IL4I1: variants seen among roughly 807,000 people sequenced by gnomAD.
The protein encoded by IL4I1 is interleukin 4 induced 1, also known as L-amino-acid oxidase.
IL4I1 carries 24 observed loss-of-function variants against 29.7 expected under a neutral mutation model. The ratio of observed to expected loss-of-function variants is 0.81; its 90% CI spans 0.59 to 1.14. The LOEUF (loss-of-function observed/expected upper bound fraction) is 1.14. IL4I1 is among the 50% of genes most tolerant of loss of function. IL4I1 has a pLI of 0.00. For synonymous variants in IL4I1, 371 were observed against 352.5 expected (o/e 1.05, Z -0.59); for missense variants, 686 against 785.6 (o/e 0.87, Z 1.52).
chr19:49,896,646 C>A (rs1161015510), intron 1 of IL4I1, among the ~76,000 whole-genome samples, 189 bp downstream of exon 1: 1 of 152,088 alleles, frequency 6.6e-6, no homozygotes. Context: ...GTTGGCCAGG[C>A]TGGTCTCGAA....
At chr19:49,918,218 G>A (rs1288986885) in intron 2 of IL4I1, among the ~76,000 whole-genome samples, 2 of 151,954 alleles carry the variant, frequency 1.3e-5, no homozygotes, top group African/African-American at 2.4e-5. Context: ...GGCATACGCC[G>A]CCATGCCCAG....
intron 2 of IL4I1, among the ~76,000 whole-genome samples, chr19:49,913,697 A>G (rs2075543187): frequency 6.6e-6 from 1 of 152,288 alleles, no homozygotes; most frequent in South Asian, 2.1e-4. Context: ...TCATTTCTCC[A>G]TAATAAACCG....
chr19:49,894,205 C>A, intron 5 of IL4I1, 63 bp downstream of exon 5: 1 of 1,507,326 alleles, frequency 6.6e-7, no homozygotes, highest in East Asian at 2.4e-5. Context: ...AAAGCCGGGC[C>A]GGGGCGAGCT....
exon 2 of IL4I1, chr19:49,927,742 C>T (rs1340834408): frequency 6.6e-6 from 1 of 152,322 alleles, no homozygotes; most frequent in East Asian, 1.9e-4. Context: ...GATTCAGTCT[C>T]CTAACTGCCA....
chr19:49,912,725 C>T (rs1471013857), intron 2 of IL4I1, among the ~76,000 whole-genome samples: 1 of 151,914 alleles, frequency 6.6e-6, no homozygotes, highest in Non-Finnish European at 1.5e-5. Context: ...AATGAGTTGG[C>T]CGTGGTGGCA....
Position 49,889,899 on chromosome 19 carries a change from G to A in IL4I1, c.1475C>T (p.Thr492Met), listed in dbSNP as rs1452795602. ...GGCGCGCAGCGCCGACTTGACCGCC[G>A]TCTCCACCCAGCCGTGCGGGTAGGC... ...HTAYPHGWVE[T>M]AVKSALRAAI... The change falls in exon 8 of 8, where the codon ACG (threonine) becomes ATG (methionine). Residue 492 changes from threonine to methionine, a missense_variant. Coordinates refer to ENST00000391826, the MANE Select transcript of IL4I1 (RefSeq NM_152899.2). The A allele has an allele frequency of 1.9e-6, 3 of 1,608,230 alleles. No homozygotes were observed. The highest frequency in any genetic ancestry group is 1.7e-6 in the Non-Finnish European group (2 of 1,177,150).
intron 2 of IL4I1, among the ~76,000 whole-genome samples, chr19:49,905,989 TGA>T (rs1232895762): frequency 6.6e-6 from 1 of 152,064 alleles, no homozygotes; most frequent in African/African-American, 2.4e-5. Flanking sequence ...GCCCACAGAC[TGA>T]GATGGAACAG....
At chr19:49,907,618 C>T (rs2075353536) in intron 2 of IL4I1, 1 of 397,888 alleles carries the variant, frequency 2.5e-6, no homozygotes, top group Non-Finnish European at 4.8e-6. Context: ...TTCACTGCAA[C>T]ACCTCCTGGG....
intron 4 of IL4I1, 100 bp downstream of exon 4, chr19:49,894,968 T>G (rs1600471405): frequency 1.2e-6 from 1 of 851,956 alleles, no homozygotes; most frequent in Non-Finnish European, 1.9e-6. Context: ...GGAGGCTGGG[T>G]TTGGGAGTCA....
intron 2 of IL4I1, chr19:49,909,870 G>T: frequency 1.3e-6 from 2 of 1,549,474 alleles, no homozygotes; most frequent in Non-Finnish European, 1.8e-6. Context: ...GGTGTCTGCA[G>T]CCTTGGGAAG....
chr19:49,898,660 G>A (rs1268499739), upstream of IL4I1, among the ~76,000 whole-genome samples: 2 of 152,144 alleles, frequency 1.3e-5, no homozygotes, highest in African/African-American at 4.8e-5. Context: ...TTGAGGTCAG[G>A]AGTTCAAGAC....
chr19:49,903,315 C>T lies in IL4I1; in HGVS notation c.-105+884G>A, dbSNP rs980129886. 5.3e-5 allele frequency among the ~76,000 whole-genome samples: 8 copies of T among 152,148 alleles called. No individual in the cohort carries two copies. In the East Asian group the frequency reaches 1.3e-3, roughly 26 times the overall value. On this transcript the variant is annotated intron_variant, in intron 3 of 9. Transcript: ENST00000341114. ...AGCGCACCCGGTCTGCTTCTTGCCTCGGGAAACCTTTGGCGTCTGAGAGGG... is the reference window on the plus strand; with the variant it reads ...AGCGCACCCGGTCTGCTTCTTGCCTTGGGAAACCTTTGGCGTCTGAGAGGG...
intron 2 of IL4I1, chr19:49,908,296 C>G: frequency 6.2e-7 from 1 of 1,614,082 alleles, no homozygotes; most frequent in Non-Finnish European, 8.5e-7. Context: ...CCTCGCACAC[C>G]TTGGTCACCT....
intron 2 of IL4I1, 27 bp downstream of exon 2, chr19:49,896,121 T>TCCAGAGCCCCTCCCCTGCTTACTCAC: frequency 6.5e-7 from 1 of 1,528,346 alleles, no homozygotes; most frequent in Non-Finnish European, 8.7e-7. Flanking sequence ...ACTCACTTGT[T>TCCAGAGCCCCTCCCCTGCTTACTCAC]CCAGAGCCCC....
At chr19:49,899,501 C>G (rs189787644), upstream of IL4I1, among the ~76,000 whole-genome samples, 2 of 152,154 alleles carry the variant, frequency 1.3e-5, no homozygotes, top group Admixed American at 1.3e-4. Context: ...CCTCCCACCT[C>G]AGCCTCCCTA....
chr19:49,892,586 C>T (rs916354042), intron 5 of IL4I1, among the ~76,000 whole-genome samples: 16 of 152,234 alleles, frequency 1.1e-4, no homozygotes, highest in African/African-American at 3.6e-4. Context: ...CCTGTCTTTG[C>T]GTGGCACATG....
At chr19:49,928,265 C>G (rs564210028) in intron 1 of IL4I1, 3 of 152,446 alleles carry the variant, frequency 2.0e-5, no homozygotes, top group Admixed American at 1.3e-4. Context: ...CGCCTGTAAT[C>G]CCAGCACTTT....
intron 2 of IL4I1, among the ~76,000 whole-genome samples, chr19:49,905,658 A>G (rs1281660859): frequency 6.6e-6 from 1 of 151,954 alleles, no homozygotes; most frequent in Non-Finnish European, 1.5e-5. Flanking sequence ...GTGCAATGGC[A>G]TGATCTCGGC....
At chr19:49,896,502 T>C (rs1183916469) in intron 1 of IL4I1, among the ~76,000 whole-genome samples, 1 of 152,062 alleles carries the variant, frequency 6.6e-6, no homozygotes, top group Non-Finnish European at 1.5e-5. Flanking sequence ...TGGTAAGATC[T>C]TGGCTCACTG....
Sources: allele counts gnomAD v4.1 joint callset (sites outside exome capture counted in the v4.1 genomes callset), GRCh38; gene constraint gnomAD v4.1.1; transcripts MANE v1.5; gene names NCBI Gene and HGNC (gene_info 2026-07-23, HGNC 2026-07-21).